The following MGST1 variants were observed in gnomAD, a reference collection of about 807,000 sequenced individuals.
MGST1 encodes microsomal glutathione S-transferase 1.
Under a neutral mutation model 8.9 loss-of-function variants are expected in MGST1, and 5 were observed. The ratio of observed to expected loss-of-function variants is 0.56; its 90% CI spans 0.29 to 1.19. MGST1 has a LOEUF of 1.19. MGST1 is among the 50% of genes most tolerant of loss of function. The pLI is 0.08. For synonymous variants in MGST1, 54 were observed against 67.8 expected (o/e 0.80, Z 1.00); for missense variants, 182 against 187.4 (o/e 0.97, Z 0.17).
intron 4 of MGST1, among the ~76,000 whole-genome samples, chr12:16,509,593 T>C (rs1427827987): frequency 6.6e-6 from 1 of 152,224 alleles, no homozygotes; most frequent in East Asian, 1.9e-4. Flanking sequence ...TCAAGATTCA[T>C]AAGTTCAGAG....
At chr12:16,491,189 G>A (rs191822208) in intron 4 of MGST1, among the ~76,000 whole-genome samples, 180 of 152,198 alleles carry the variant, frequency 1.2e-3, no homozygotes, top group African/African-American at 4.2e-3. Flanking sequence ...CTGTTGTATG[G>A]TCATCCTTTC....
At chr12:16,551,593 CTTT>C (rs1292960664) in intron 4 of MGST1, among the ~76,000 whole-genome samples, 1 of 135,982 alleles carries the variant, frequency 7.4e-6, no homozygotes, top group East Asian at 2.1e-4. Flanking sequence ...AGATGACTTG[CTTT>C]TTTTTTTTTT....
chr12:16,443,101 T>C (rs1941051505), downstream of MGST1, among the ~76,000 whole-genome samples: 1 of 151,820 alleles, frequency 6.6e-6, no homozygotes, highest in African/African-American at 2.4e-5. Context: ...CCCTTTTATC[T>C]CTATGACATG....
chr12:16,401,126 T>G lies in MGST1; in HGVS notation n.778+17522T>G. 5.7e-6 allele frequency: 9 copies of G among 1,575,488 alleles called. No homozygotes were observed. Among genetic ancestry groups the G allele is most frequent in the Non-Finnish European group, 7.9e-6 (9 of 1,145,522 alleles). ...TCCTCCTTTTCCTCATCTTCGTTCC[T>G]TAGGAAAATACCCACATTCTTCACT... On this transcript the variant is annotated intron_variant and non_coding_transcript_variant, in intron 1 of 1. Transcript: ENST00000359720. This position sits in a 1 kb window ranked among gnomAD's most constrained non-coding sequence, Gnocchi z 4.3.
At position 16,482,780 on chromosome 12, in the gene MGST1, T is replaced by A. The variant is rs1001482832; in HGVS notation, n.482+99176T>A. Reference sequence around the variant, plus strand: ...CAAAGGATTAGACTATCATGTCGGATACACCGAAATCAGAGACCTTACCCA... The same window carrying A: ...CAAAGGATTAGACTATCATGTCGGAAACACCGAAATCAGAGACCTTACCCA... On this transcript the variant is annotated intron_variant and non_coding_transcript_variant, in intron 4 of 4. Transcript: ENST00000538857. The surrounding 1 kb of genome is among the most constrained non-coding windows in gnomAD (Gnocchi z 4.2). 2.6e-5 allele frequency among the ~76,000 whole-genome samples: 4 copies of A among 152,196 alleles called. No individual in the cohort carries two copies. The highest frequency in any genetic ancestry group is 5.9e-5 in the Non-Finnish European group (4 of 68,028).
At chr12:16,466,410 A>T (rs1255054912) in intron 4 of MGST1, among the ~76,000 whole-genome samples, 1 of 152,208 alleles carries the variant, frequency 6.6e-6, no homozygotes, top group Non-Finnish European at 1.5e-5. Flanking sequence ...TATACAACTG[A>T]AGCTTGATAG....
chr12:16,404,940 T>C lies in MGST1; in HGVS notation n.778+21336T>C, dbSNP rs539070503. ...TGTCTTCTAAGAACTGTCTGGTAAA[T>C]AATGAAATTAAGGCAGAAATCAAGA... On this transcript the variant is annotated intron_variant and non_coding_transcript_variant, in intron 1 of 1. Coordinates refer to the MGST1 transcript ENST00000359720. Among the ~76,000 whole-genome samples, 5 of 152,236 alleles carry C rather than the reference T, an allele frequency of 3.3e-5. No individual in the cohort carries two copies. In the South Asian group the frequency reaches 1.0e-3, roughly 32 times the overall value.
chr12:16,394,496 T>C (rs200914522), intron 1 of MGST1, among the ~76,000 whole-genome samples: 2 of 60,138 alleles, frequency 3.3e-5, no homozygotes, highest in East Asian at 7.8e-4. Flanking sequence ...CTTTCTTTCT[T>C]TCTCTCTCTT....
rs918151766 is a variant in MGST1, at chr12:16,546,091, G to A, written n.483-43437G>A. On this transcript the variant is annotated intron_variant and non_coding_transcript_variant, in intron 4 of 4. Coordinates refer to the MGST1 transcript ENST00000538857. This position sits in a 1 kb window ranked among gnomAD's most constrained non-coding sequence, Gnocchi z 4.7. ...CAGGGGTGTTGTGGGAATTACATGC[G>A]TGTGCAGAACTACCTGATACATGGC... 3.3e-5 allele frequency among the ~76,000 whole-genome samples: 5 copies of A among 152,100 alleles called. No homozygotes were observed. Among genetic ancestry groups the A allele is most frequent in the South Asian group, 2.1e-4 (1 of 4,822 alleles).
intron 1 of MGST1, among the ~76,000 whole-genome samples, chr12:16,421,087 A>G (rs1443471506): frequency 6.6e-6 from 1 of 152,060 alleles, no homozygotes; most frequent in African/African-American, 2.4e-5. Flanking sequence ...CTTTTGATCT[A>G]GATTACTTAA....
chr12:16,513,799 A>G lies in MGST1; in HGVS notation n.483-75729A>G, dbSNP rs1941593260. Reference sequence around the variant, plus strand: ...CATTTCTGGAACTAGTGCCTTAAGGATCAGAGCTAGTTTTCTGCAAAGATT... The same window carrying G: ...CATTTCTGGAACTAGTGCCTTAAGGGTCAGAGCTAGTTTTCTGCAAAGATT... On this transcript the variant is annotated intron_variant and non_coding_transcript_variant, in intron 4 of 4. Coordinates refer to the MGST1 transcript ENST00000538857. The surrounding 1 kb of genome is among the most constrained non-coding windows in gnomAD (Gnocchi z 4.2). 2 of 606,678 alleles carry G rather than the reference A, an allele frequency of 3.3e-6. No homozygotes were observed. Among genetic ancestry groups the G allele is most frequent in the Non-Finnish European group, 6.5e-6 (2 of 308,894 alleles). The allele number at this position is 606,678 out of a possible 1,614,324, so 37.6% of individuals were successfully genotyped here.
At chr12:16,384,680 T>G (rs545309064) in intron 1 of MGST1, among the ~76,000 whole-genome samples, 33 of 152,376 alleles carry the variant, frequency 2.2e-4, no homozygotes, top group Non-Finnish European at 4.3e-4. Context: ...ATATCTCACT[T>G]ATTATACCAA....
chr12:16,466,355 G>A lies in MGST1; in HGVS notation n.482+82751G>A, dbSNP rs118100035. ...ATTCTGAAATTTTTAAATAGCTGGC[G>A]AGGTCAAGGCTACTAATTCTGATGA... On this transcript the variant is annotated intron_variant and non_coding_transcript_variant, in intron 4 of 4. Coordinates refer to the MGST1 transcript ENST00000538857. Among the ~76,000 whole-genome samples the A allele has an allele frequency of 1.4e-4, 22 of 152,202 alleles. No homozygotes were observed. The East Asian group carries it at 3.9e-3, about 27-fold the overall frequency.
chr12:16,471,847 A>T (rs1941291058), intron 4 of MGST1, among the ~76,000 whole-genome samples: 1 of 152,138 alleles, frequency 6.6e-6, no homozygotes, highest in African/African-American at 2.4e-5. Context: ...TCATTTCATG[A>T]TCTGTCTCTG....
At chr12:16,477,943 T>C (rs1941334625) in intron 4 of MGST1, among the ~76,000 whole-genome samples, 1 of 152,226 alleles carries the variant, frequency 6.6e-6, no homozygotes. Context: ...GTTGTAAATG[T>C]CAAAATTGCA....
rs1275400471 is a variant in MGST1, at chr12:16,547,557, T to G, written n.483-41971T>G. 6.6e-6 allele frequency among the ~76,000 whole-genome samples: 1 copy of G among 152,126 alleles called. No individual in the cohort carries two copies. The highest frequency in any genetic ancestry group is 1.5e-5 in the Non-Finnish European group (1 of 68,014). Reference sequence around the variant, plus strand: ...GCAAAGACATGTTAAAGTTATTTGATCTAGGCCAACCCTAAGTCTGCCCAA... The same window carrying G: ...GCAAAGACATGTTAAAGTTATTTGAGCTAGGCCAACCCTAAGTCTGCCCAA... On this transcript the variant is annotated intron_variant and non_coding_transcript_variant, in intron 4 of 4. Transcript: ENST00000538857. This position sits in a 1 kb window ranked among gnomAD's most constrained non-coding sequence, Gnocchi z 4.6.
downstream of MGST1, among the ~76,000 whole-genome samples, chr12:16,365,711 C>T (rs1940172406): frequency 6.6e-6 from 1 of 151,284 alleles, no homozygotes; most frequent in South Asian, 2.1e-4. Flanking sequence ...CATGAGTTGG[C>T]TCTGTGTGCA....
chr12:16,381,536 T>C (rs1591712693), downstream of MGST1, among the ~76,000 whole-genome samples: 2 of 152,346 alleles, frequency 1.3e-5, no homozygotes, highest in East Asian at 3.9e-4. Flanking sequence ...CTTCCCTTTG[T>C]GGGTAACCCG....
At chr12:16,450,714 T>C (rs993187119) in intron 4 of MGST1, among the ~76,000 whole-genome samples, 1 of 151,980 alleles carries the variant, frequency 6.6e-6, no homozygotes, top group Non-Finnish European at 1.5e-5. Context: ...GAAGTCACTT[T>C]CTTCCCAGCA....
Sources: allele counts gnomAD v4.1 joint callset (sites outside exome capture counted in the v4.1 genomes callset), GRCh38; gene constraint gnomAD v4.1.1; non-coding constraint Gnocchi (gnomAD v3.1); transcripts MANE v1.5; gene names NCBI Gene and HGNC (gene_info 2026-07-23, HGNC 2026-07-21).